Variants in ACTN4 observed in about 807,000 individuals in gnomAD.
ACTN4 encodes actinin alpha 4, also known as alpha-actinin-4.
In ACTN4, 18 loss-of-function variants were observed where a neutral mutation model predicts 114.2. The observed-to-expected ratio is 0.16, with a 90% CI of 0.11 to 0.23. The LOEUF (loss-of-function observed/expected upper bound fraction) is 0.23, where lower values mean the gene tolerates loss of function less well. ACTN4 is among the 10% of genes least tolerant of loss of function. The pLI is 1.00. For missense variants in ACTN4, 722 were observed against 1,262.9 expected (o/e 0.57, Z 6.49); for synonymous variants, 515 against 506.3 (o/e 1.02, Z -0.23).
intron 1 of ACTN4, among the ~76,000 whole-genome samples, chr19:38,677,527 C>T (rs1270892784): frequency 6.6e-6 from 1 of 151,946 alleles, no homozygotes; most frequent in Non-Finnish European, 1.5e-5. Flanking sequence ...GAGGGATCAC[C>T]CATGGTCCAT....
intron 1 of ACTN4, among the ~76,000 whole-genome samples, chr19:38,691,776 G>C (rs990591835): frequency 6.6e-6 from 1 of 152,054 alleles, no homozygotes; most frequent in African/African-American, 2.4e-5. Flanking sequence ...GATGGTGGGT[G>C]CCTGTAATGC....
chr19:38,728,379 C>T, intron 19 of ACTN4: 1 of 1,385,224 alleles, frequency 7.2e-7, no homozygotes, highest in Non-Finnish European at 9.6e-7. Context: ...AGGATACAGC[C>T]TGGTATGCAG....
intron 5 of ACTN4, among the ~76,000 whole-genome samples, chr19:38,707,070 T>C (rs1968486441): frequency 6.6e-6 from 1 of 152,170 alleles, no homozygotes; most frequent in Non-Finnish European, 1.5e-5. Flanking sequence ...CAGGGCCTCA[T>C]GGGGTTTGCA....
At chr19:38,704,834 T>C in intron 3 of ACTN4, 100 bp from the exon 4 acceptor site, 1 of 1,087,666 alleles carries the variant, frequency 9.2e-7, no homozygotes, top group East Asian at 2.4e-5. Flanking sequence ...GTTTGGAGCC[T>C]TTCTCTAGAT....
rs1224823913 is a variant in ACTN4 at position 38,731,039 on chromosome 19, C to G, written c.*1607C>G. 2 of 1,556,896 alleles carry G rather than the reference C, an allele frequency of 1.3e-6. No individual in the cohort carries two copies. The highest frequency in any genetic ancestry group is 8.7e-7 in the Non-Finnish European group (1 of 1,150,916). On this transcript the variant is annotated 3_prime_UTR_variant, in exon 21 of 21. Coordinates refer to ENST00000252699, the MANE Select transcript of ACTN4 (RefSeq NM_004924.6). ...CTGCAGTGGCCTGTGCAGAGAGGGG[C>G]AGGGTGAGTGCCCACCAGTCCCCGT...
chr19:38,666,804 T>G (rs1037126855), intron 1 of ACTN4, among the ~76,000 whole-genome samples: 1 of 152,192 alleles, frequency 6.6e-6, no homozygotes, highest in Non-Finnish European at 1.5e-5. Context: ...TAAGGCAGTT[T>G]CCATTCTTGA....
chr19:38,657,463 A>G (rs56365761), intron 1 of ACTN4, among the ~76,000 whole-genome samples: 60,576 of 151,886 alleles, frequency 0.4, 12,952 homozygotes, highest in Non-Finnish European at 0.47. Context: ...ATTTTTTGTA[A>G]AGACTGGGTC....
chr19:38,664,227 C>T (rs981261192), intron 1 of ACTN4, among the ~76,000 whole-genome samples: 1 of 152,132 alleles, frequency 6.6e-6, no homozygotes, highest in Non-Finnish European at 1.5e-5. Context: ...TAAATAACTG[C>T]CTTAGTGCTG....
intron 1 of ACTN4, among the ~76,000 whole-genome samples, chr19:38,648,823 C>T (rs568019426): frequency 1.3e-5 from 2 of 151,530 alleles, no homozygotes; most frequent in Non-Finnish European, 2.9e-5. Context: ...TGATGGGAAG[C>T]TGAAAAGCTA....
intron 11 of ACTN4, among the ~76,000 whole-genome samples, chr19:38,718,768 G>T (rs1436932193): frequency 6.6e-6 from 1 of 152,178 alleles, no homozygotes; most frequent in Middle Eastern, 3.2e-3. Flanking sequence ...TGTGGGGCAG[G>T]CCTCTTCCAT....
chr19:38,714,512 A>C lies in ACTN4; in HGVS notation c.863A>C (p.Asn288Thr), dbSNP rs374345646. ...CGGATCTGTAAGGTGCTGGCTGTCA[A>C]CCAAGAGAACGAGCACCTGATGGAG... ...ANRICKVLAV[N>T]QENEHLMEDY... The change falls in exon 9 of 21, where the codon AAC becomes ACC. Residue 288 changes from asparagine to threonine, a missense_variant. Around this residue, in one of 3 missense-constraint regions of ACTN4, gnomAD observed 523 missense variants for 875.9 expected, o/e 0.60. Coordinates refer to ENST00000252699, the MANE Select transcript of ACTN4 (RefSeq NM_004924.6). The C allele has an allele frequency of 3.7e-6, 6 of 1,613,788 alleles. No homozygotes were observed. Among genetic ancestry groups the C allele is most frequent in the Non-Finnish European group, 5.1e-6 (6 of 1,180,028 alleles).
In ACTN4 at chr19:38,731,432, C is replaced by T. The variant is rs535464324; in HGVS notation, c.*2000C>T. 27 of 596,784 alleles carry T rather than the reference C, an allele frequency of 4.5e-5. No individual in the cohort carries two copies. In the African/African-American group the frequency reaches 5.0e-4, roughly 11 times the overall value. The allele number at this position is 596,784 out of a possible 1,614,324, so 37.0% of individuals were successfully genotyped here. ...CAAACGGACTAAGACAGCCCCGACC[C>T]CATAGGGTGTGTGAAGACAGAACGC... On this transcript the variant is annotated 3_prime_UTR_variant, in exon 21 of 21. Transcript: ENST00000252699.
rs756314001 is a variant in ACTN4 at position 38,730,692 on chromosome 19, G to A, written c.*1260G>A. Reference sequence around the variant, plus strand: ...GTTCTTGTTTCTGAGTGAGGAGTACGCAGGCCAGAGTGGTCACCCGGCCGT... The same window carrying A: ...GTTCTTGTTTCTGAGTGAGGAGTACACAGGCCAGAGTGGTCACCCGGCCGT... On this transcript the variant is annotated 3_prime_UTR_variant, in exon 21 of 21. Coordinates refer to ENST00000252699, the MANE Select transcript of ACTN4 (RefSeq NM_004924.6). 3.1e-5 allele frequency: 24 copies of A among 785,194 alleles called. No homozygotes were observed. Among genetic ancestry groups the A allele is most frequent in the African/African-American group, 1.2e-4 (7 of 58,390 alleles). The allele number at this position is 785,194 out of a possible 1,614,324, so 48.6% of individuals were successfully genotyped here. A position where few individuals can be genotyped will look rare whatever the true frequency, so the allele number is the denominator to read the frequency against.
In ACTN4 at chr19:38,717,432, T is replaced by G; in HGVS notation, c.1143+116T>G. The stretch of plus-strand genomic sequence containing the variant: ...TAAGTTGTTGATGTCCTGTGGGACA[T>G]GGCATGGCCTTTCGGATGCAGTGGT... On this transcript the variant is annotated intron_variant, in intron 10 of 20. Coordinates refer to ENST00000252699, the MANE Select transcript of ACTN4 (RefSeq NM_004924.6). This position sits in a 1 kb window ranked among gnomAD's most constrained non-coding sequence, Gnocchi z 4.0. 7.2e-7 allele frequency: 1 copy of G among 1,379,434 alleles called. No individual in the cohort carries two copies. 85.4% of individuals were successfully genotyped at this position (1,379,434 alleles called of 1,614,324 possible). A position where few individuals can be genotyped will look rare whatever the true frequency, so the allele number is the denominator to read the frequency against.
At chr19:38,700,971 G>T in intron 2 of ACTN4, 31 bp from the exon 3 acceptor site, 1 of 1,610,456 alleles carries the variant, frequency 6.2e-7, no homozygotes, top group Non-Finnish European at 8.5e-7. Context: ...TCTCTGTCTC[G>T]CCCCCTCTTT....
chr19:38,731,144 CCGCT>C lies in ACTN4; in HGVS notation c.*1715_*1718del, dbSNP rs1568762334. On this transcript the variant is annotated 3_prime_UTR_variant, in exon 21 of 21. Coordinates refer to ENST00000252699, the MANE Select transcript of ACTN4 (RefSeq NM_004924.6). Reference sequence around the variant, plus strand: ...TGAGGTGGGCCACACAGGACACGAACCGCTCGAAGTCCACACGCAGACGGCTATC... The same window carrying C: ...TGAGGTGGGCCACACAGGACACGAACCGAAGTCCACACGCAGACGGCTATC... The C allele has an allele frequency of 1.2e-5, 19 of 1,613,056 alleles. No homozygotes were observed. The highest frequency in any genetic ancestry group is 1.4e-5 in the Non-Finnish European group (17 of 1,179,968).
chr19:38,694,917 G>C (rs2080988), intron 1 of ACTN4, among the ~76,000 whole-genome samples: 103,562 of 151,970 alleles, frequency 0.68, 36,122 homozygotes, highest in South Asian at 0.84. Context: ...CTCTGTCACC[G>C]AGGCTGGAGT....
At chr19:38,659,639 C>G (rs1976820389) in intron 1 of ACTN4, among the ~76,000 whole-genome samples, 1 of 152,194 alleles carries the variant, frequency 6.6e-6, no homozygotes, top group Non-Finnish European at 1.5e-5. Context: ...TAAACAAGCA[C>G]AAAGCAGTTC....
At chr19:38,712,479 C>T (rs1449949776) in intron 8 of ACTN4, among the ~76,000 whole-genome samples, 2 of 152,140 alleles carry the variant, frequency 1.3e-5, no homozygotes, top group African/African-American at 4.8e-5. Context: ...TAGCACAGTG[C>T]CTGGCACGGC....
Sources: allele counts gnomAD v4.1 joint callset (sites outside exome capture counted in the v4.1 genomes callset), GRCh38; gene constraint gnomAD v4.1.1; regional missense constraint gnomAD v4.1.1; non-coding constraint Gnocchi (gnomAD v3.1); transcripts MANE v1.5; gene names NCBI Gene and HGNC (gene_info 2026-07-23, HGNC 2026-07-21).